Variants in MET observed in about 807,000 individuals in gnomAD.
MET encodes the protein MET proto-oncogene, receptor tyrosine kinase.
A neutral mutation model predicts 133.1 loss-of-function variants in MET; 48 were observed. That is an observed-to-expected ratio of 0.36 (90% CI 0.29 to 0.46). The LOEUF (loss-of-function observed/expected upper bound fraction) is 0.46. MET is among the 20% of genes least tolerant of loss of function. MET has a pLI of 1.00. For missense variants in MET, 1,442 were observed against 1,695.9 expected (o/e 0.85, Z 2.63); for synonymous variants, 628 against 616.5 (o/e 1.02, Z -0.28).
intron 2 of MET, among the ~76,000 whole-genome samples, chr7:116,716,386 GAGAA>G (rs560719624): frequency 3.9e-4 from 57 of 147,346 alleles, no homozygotes; most frequent in African/African-American, 1.4e-3. Context: ...GGGAAAAAGA[GAGAA>G]AGAAAGAGAA....
At chr7:116,757,908 C>A in intron 8 of MET, 134 bp downstream of exon 8, 2 of 988,266 alleles carry the variant, frequency 2.0e-6, no homozygotes, top group Non-Finnish European at 1.5e-6. Context: ...CTCCTACTGA[C>A]AAAACTTCCT....
rs150149673 is a variant in MET, at chr7:116,772,705, T to C, written c.3028+716T>C. Among the ~76,000 whole-genome samples the C allele has an allele frequency of 5.1e-4, 77 of 152,316 alleles. 2 individuals are homozygous for C. In the East Asian group the frequency reaches 0.014, roughly 28 times the overall value. ...CATTTCCTTGGTTGAATATTTACCA[T>C]TGGACAAATAAAATGAGTCACAGAT... On this transcript the variant is annotated intron_variant, in intron 14 of 20. Coordinates refer to ENST00000397752, the MANE Select transcript of MET (RefSeq NM_000245.4).
rs188724450 is a variant in MET, at chr7:116,779,365, C to A, written c.3522+408C>A. 3.9e-5 allele frequency among the ~76,000 whole-genome samples: 6 copies of A among 152,322 alleles called. No homozygotes were observed. The East Asian group carries it at 1.2e-3, about 29-fold the overall frequency. ...CCTTGCTGTTCCTTGTCCTTGCCAT[C>A]CACTCTCACACCTCAGGAACTTTGC... On this transcript the variant is annotated intron_variant, in intron 17 of 20. Transcript: ENST00000397752.
intron 2 of MET, among the ~76,000 whole-genome samples, chr7:116,709,076 A>T (rs1791899524): frequency 6.6e-6 from 1 of 152,106 alleles, no homozygotes; most frequent in African/African-American, 2.4e-5. Context: ...GCCAAAGGAG[A>T]GACAAGTGCT....
Position 116,797,708 on chromosome 7 carries a change from G to C in MET, c.*1584G>C, listed in dbSNP as rs1795718765. The C allele has an allele frequency of 4.4e-6, 1 of 227,140 alleles. No homozygotes were observed. Among genetic ancestry groups the C allele is most frequent in the Non-Finnish European group, 8.8e-6 (1 of 114,158 alleles). 14.1% of individuals were successfully genotyped at this position (227,140 alleles called of 1,614,324 possible). A position where few individuals can be genotyped will look rare whatever the true frequency, so the allele number is the denominator to read the frequency against. ...ACTGCACTGTGAACATTTTAGAAAA[G>C]GTATGTCAGACTGGGATTAATGACA... On this transcript the variant is annotated 3_prime_UTR_variant, in exon 21 of 21. Transcript: ENST00000397752.
intron 5 of MET, among the ~76,000 whole-genome samples, chr7:116,746,594 G>T (rs1584929361): frequency 6.6e-6 from 1 of 152,308 alleles, no homozygotes; most frequent in Admixed American, 6.5e-5. Flanking sequence ...GGAATACTAT[G>T]CAGCCATAAA....
intron 17 of MET, among the ~76,000 whole-genome samples, chr7:116,779,905 T>C (rs946894955): frequency 1.3e-5 from 2 of 152,196 alleles, no homozygotes; most frequent in Non-Finnish European, 2.9e-5. Context: ...TATATTTCTA[T>C]TGAATAGCAC....
At chr7:116,685,381 A>G (rs1362760469) in intron 1 of MET, among the ~76,000 whole-genome samples, 2 of 152,192 alleles carry the variant, frequency 1.3e-5, no homozygotes, top group Non-Finnish European at 2.9e-5. Flanking sequence ...TTAGATGCCT[A>G]AAAAATGTAT....
rs1301750241 is a variant in MET at position 116,740,080 on chromosome 7, A to G, written c.1523A>G (p.Lys508Arg). ...QNGYTLVITGKKITKIPLNGL... is the reference protein window; with the variant it reads ...QNGYTLVITGRKITKIPLNGL... Reference sequence around the variant, plus strand: ...GGCTACACACTGGTTATCACTGGGAAGAAGGTAAGCTGTTCCCACAGGGAA... The same window carrying G: ...GGCTACACACTGGTTATCACTGGGAGGAAGGTAAGCTGTTCCCACAGGGAA... The change falls in exon 4 of 21, where the codon AAG becomes AGG. Residue 508 changes from lysine (K) to arginine (R), a missense_variant. Physicochemically the swap from Lys to Arg is conservative, Grantham distance 26. Around this residue, in one of 6 missense-constraint regions of MET, gnomAD observed 762 missense variants for 792.4 expected, o/e 0.96. Coordinates refer to ENST00000397752, the MANE Select transcript of MET (RefSeq NM_000245.4). 1.2e-6 allele frequency: 2 copies of G among 1,614,102 alleles called. No homozygotes were observed.
chr7:116,731,607 T>C lies in MET; in HGVS notation c.1201-61T>C, dbSNP rs1355144759. ...GGCTCTGAAAATACACACTGAAAGG[T>C]TTCTTACCAGCTTGTTCATGTCTGG... On this transcript the variant is annotated intron_variant, in intron 2 of 20. Coordinates refer to ENST00000397752, the MANE Select transcript of MET (RefSeq NM_000245.4). 2.5e-6 allele frequency: 4 copies of C among 1,574,182 alleles called. No homozygotes were observed. In the East Asian group the frequency reaches 8.9e-5, roughly 35 times the overall value.
At chr7:116,789,564 T>C (rs1795421620) in intron 19 of MET, among the ~76,000 whole-genome samples, 1 of 152,228 alleles carries the variant, frequency 6.6e-6, no homozygotes, top group Non-Finnish European at 1.5e-5. Context: ...AGTCAACCTC[T>C]ACCCTATCCC....
At chr7:116,718,019 T>G (rs1028745568) in intron 2 of MET, among the ~76,000 whole-genome samples, 1 of 152,184 alleles carries the variant, frequency 6.6e-6, no homozygotes, top group Admixed American at 6.5e-5. Flanking sequence ...GTAGAGGAAT[T>G]CCTATTCTTT....
chr7:116,696,504 A>G (rs2116565053), intron 1 of MET, among the ~76,000 whole-genome samples: 1 of 152,320 alleles, frequency 6.6e-6, no homozygotes, highest in Middle Eastern at 3.4e-3. Context: ...CTTGAAGATC[A>G]ACAAACGGGT....
At chr7:116,759,573 TCA>T (rs1794316644) in intron 10 of MET, 83 bp downstream of exon 10, 1 of 1,478,856 alleles carries the variant, frequency 6.8e-7, no homozygotes, top group African/African-American at 1.4e-5. Context: ...CTGAGACATC[TCA>T]GTTTCGCCTT....
At chr7:116,691,990 G>A (rs1277119952) in intron 1 of MET, among the ~76,000 whole-genome samples, 2 of 152,074 alleles carry the variant, frequency 1.3e-5, no homozygotes, top group African/African-American at 4.8e-5. Flanking sequence ...AAGAGACAGT[G>A]GATTCTGGGA....
intron 3 of MET, among the ~76,000 whole-genome samples, chr7:116,732,658 G>A (rs546922710): frequency 4.8e-4 from 73 of 152,286 alleles, no homozygotes; most frequent in African/African-American, 1.6e-3. Flanking sequence ...TTCTTTTAAA[G>A]GGAGATTTCG....
chr7:116,746,055 A>T (rs894788991), intron 5 of MET, among the ~76,000 whole-genome samples: 1 of 152,276 alleles, frequency 6.6e-6, no homozygotes, highest in Admixed American at 6.5e-5. Flanking sequence ...AATATCCAGA[A>T]TCTACAAAGA....
chr7:116,698,010 G>C (rs1341057555), intron 1 of MET, among the ~76,000 whole-genome samples: 1 of 152,236 alleles, frequency 6.6e-6, no homozygotes, highest in East Asian at 1.9e-4. Context: ...TAGATCCAGG[G>C]TTAGTCTTTG....
intron 5 of MET, among the ~76,000 whole-genome samples, chr7:116,753,271 T>C (rs1793998944): frequency 6.6e-6 from 1 of 152,218 alleles, no homozygotes; most frequent in Admixed American, 6.5e-5. Flanking sequence ...CTTTAGCAAA[T>C]ACCTTTACTG....
Sources: allele counts gnomAD v4.1 joint callset (sites outside exome capture counted in the v4.1 genomes callset), GRCh38; gene constraint gnomAD v4.1.1; regional missense constraint gnomAD v4.1.1; transcripts MANE v1.5; gene names NCBI Gene and HGNC (gene_info 2026-07-23, HGNC 2026-07-21).